The following ANXA10 variants were observed in gnomAD, a reference collection of about 807,000 sequenced individuals.
ANXA10 encodes annexin A10.
In ANXA10, 49 loss-of-function variants were observed where a neutral mutation model predicts 53.5. That is an observed-to-expected ratio of 0.92 (90% CI 0.73 to 1.16). ANXA10 has a LOEUF of 1.16. Ranked by LOEUF, ANXA10 falls within the 50% of genes most tolerant of loss-of-function variation. The probability of loss-of-function intolerance (pLI) is 0.00; values close to 1 mark genes in which losing one functional copy is unlikely to be tolerated. For missense variants in ANXA10, 393 were observed against 394.4 expected (o/e 1.00, Z 0.03); for synonymous variants, 131 against 128.9 (o/e 1.02, Z -0.11).
intron 1 of ANXA10, among the ~76,000 whole-genome samples, chr4:168,116,237 G>A (rs1178369920): frequency 2.0e-5 from 3 of 151,628 alleles, no homozygotes; most frequent in African/African-American, 7.3e-5. Flanking sequence ...CAAAACACGT[G>A]CAGAAAAAAA....
chr4:168,152,827 TATTA>T (rs1731520373), intron 3 of ANXA10, among the ~76,000 whole-genome samples: 1 of 148,744 alleles, frequency 6.7e-6, no homozygotes, highest in South Asian at 2.1e-4. Flanking sequence ...ATAATATCTA[TATTA>T]TATATATAAA....
chr4:168,166,670 G>A (rs1731887074), intron 6 of ANXA10, among the ~76,000 whole-genome samples: 1 of 144,976 alleles, frequency 6.9e-6, no homozygotes, highest in Admixed American at 6.8e-5. Flanking sequence ...GTGTGTGTGT[G>A]TGTGTGTGTG....
At chr4:168,106,933 TA>T (rs1383666343) in intron 1 of ANXA10, among the ~76,000 whole-genome samples, 1 of 152,146 alleles carries the variant, frequency 6.6e-6, no homozygotes, top group Non-Finnish European at 1.5e-5. Context: ...GCATTACATA[TA>T]AAAGTTCCTG....
At chr4:168,163,885 A>G (rs1240107519) in intron 4 of ANXA10, among the ~76,000 whole-genome samples, 1 of 152,214 alleles carries the variant, frequency 6.6e-6, no homozygotes, top group Non-Finnish European at 1.5e-5. Flanking sequence ...TATCATTCCA[A>G]CAGCAAATGG....
chr4:168,152,896 T>C (rs990996240), intron 3 of ANXA10, among the ~76,000 whole-genome samples: 4 of 151,720 alleles, frequency 2.6e-5, no homozygotes, highest in East Asian at 3.9e-4. Context: ...TAGGCTAGAG[T>C]GCCACGGGAC....
chr4:168,136,862 G>C lies in ANXA10; in HGVS notation c.101-2624G>C, dbSNP rs534058985. Among the ~76,000 whole-genome samples, 227 of 152,278 alleles carry C rather than the reference G, an allele frequency of 1.5e-3. 1 individual carries two copies. Among genetic ancestry groups the C allele is most frequent in the Non-Finnish European group, 1.7e-3 (117 of 68,034 alleles). On this transcript the variant is annotated intron_variant, in intron 2 of 11. Coordinates refer to ENST00000359299, the MANE Select transcript of ANXA10 (RefSeq NM_007193.5). ...GCCTTAGTAGAGGTTCCTCATGAAG[G>C]CTCTGCTTCTGCAGCAGATGTCTGC...
At chr4:168,137,353 CTG>C (rs1278226223) in intron 2 of ANXA10, among the ~76,000 whole-genome samples, 2 of 152,152 alleles carry the variant, frequency 1.3e-5, no homozygotes, top group African/African-American at 4.8e-5. Context: ...CTTGTGGAGT[CTG>C]TGCTTTTAGT....
At chr4:168,158,017 G>C (rs1731718574) in intron 3 of ANXA10, among the ~76,000 whole-genome samples, 1 of 152,154 alleles carries the variant, frequency 6.6e-6, no homozygotes, top group Non-Finnish European at 1.5e-5. Context: ...AACTACAAAA[G>C]AGTTTGCTAA....
intron 2 of ANXA10, among the ~76,000 whole-genome samples, chr4:168,131,635 A>G (rs1731158136): frequency 6.6e-6 from 1 of 151,782 alleles, no homozygotes; most frequent in African/African-American, 2.4e-5. Flanking sequence ...TCTCTTTGCA[A>G]TTCTATTATT....
chr4:168,122,846 C>T (rs1731009727), intron 1 of ANXA10, among the ~76,000 whole-genome samples: 1 of 152,156 alleles, frequency 6.6e-6, no homozygotes, highest in Non-Finnish European at 1.5e-5. Context: ...ACCTCCAACA[C>T]TGGAGCCCAC....
intron 1 of ANXA10, among the ~76,000 whole-genome samples, chr4:168,101,500 G>C (rs541695676): frequency 3.7e-5 from 5 of 134,726 alleles, no homozygotes; most frequent in Non-Finnish European, 8.0e-5. Flanking sequence ...TGTTTTTTTT[G>C]GGGGGGAAGG....
chr4:168,178,443 TAC>T (rs1732175612), intron 8 of ANXA10: 1 of 153,434 alleles, frequency 6.5e-6, no homozygotes, highest in East Asian at 1.9e-4. Flanking sequence ...TTCCCTAAAC[TAC>T]AGTGTCTTTT....
At chr4:168,094,716 T>C (rs11937430) in intron 1 of ANXA10, among the ~76,000 whole-genome samples, 12,333 of 152,106 alleles carry the variant, frequency 0.081, 1,659 homozygotes, top group African/African-American at 0.28. Context: ...AGGTAGTTCA[T>C]TACTCTCAAA....
chr4:168,145,222 T>A (rs1294902306), intron 3 of ANXA10, among the ~76,000 whole-genome samples: 1 of 152,186 alleles, frequency 6.6e-6, no homozygotes, highest in Admixed American at 6.5e-5. Flanking sequence ...TTTATAATAC[T>A]GATGTAGTAT....
intron 1 of ANXA10, among the ~76,000 whole-genome samples, chr4:168,105,215 G>A (rs1226912610): frequency 6.6e-6 from 1 of 151,694 alleles, no homozygotes; most frequent in Non-Finnish European, 1.5e-5. Context: ...TTGTGACTCA[G>A]GTATTAAGCC....
intron 1 of ANXA10, among the ~76,000 whole-genome samples, chr4:168,124,839 A>G (rs1731043104): frequency 6.6e-6 from 1 of 152,212 alleles, no homozygotes. Context: ...ATAATATTTG[A>G]TCTTTTAGAA....
At position 168,184,691 on chromosome 4, in the gene ANXA10, C is replaced by T. The variant is rs202086202; in HGVS notation, c.906+10C>T. On this transcript the variant is annotated intron_variant, in intron 11 of 11. Transcript: ENST00000359299. ...ATTTCATGATATCAGAGTAAGTTTC[C>T]GACACATGATTTATTTGGACCCACA... 5.6e-4 allele frequency: 897 copies of T among 1,611,550 alleles called. 18 individuals are homozygous for T. The South Asian group carries it at 9.0e-3, about 16-fold the overall frequency.
At chr4:168,153,422 C>CAAAAAAAAAAAAAAAAACCAAAAA (rs1731531000) in intron 3 of ANXA10, among the ~76,000 whole-genome samples, 1 of 43,508 alleles carries the variant, frequency 2.3e-5, no homozygotes, top group African/African-American at 8.0e-5. Flanking sequence ...AAGCCTAAAG[C>CAAAAAAAAAAAAAAAAACCAAAAA]AAAAAAAAAA....
In ANXA10 at chr4:168,118,978, T is replaced by C. The variant is rs573020151; in HGVS notation, c.19-9106T>C. On this transcript the variant is annotated intron_variant, in intron 1 of 11. Coordinates refer to ENST00000359299, the MANE Select transcript of ANXA10 (RefSeq NM_007193.5). ...AATGCACAAATATTTGATTATTTAA[T>C]CAAAGATGACAAAAACTCAACTAGC... Among the ~76,000 whole-genome samples the C allele has an allele frequency of 3.9e-5, 6 of 152,268 alleles. No individual in the cohort carries two copies. The South Asian group carries it at 1.0e-3, about 26-fold the overall frequency.
Sources: gnomAD v4.1 joint callset for allele counts (sites outside exome capture counted in the v4.1 genomes callset) on GRCh38, gnomAD v4.1.1 for gene constraint, MANE v1.5 for transcripts, NCBI Gene and HGNC (gene_info 2026-07-23, HGNC 2026-07-21) for gene names.